The following ATXN2 variants were observed in gnomAD, a reference collection of about 807,000 sequenced individuals.
ATXN2 encodes ataxin-2.
Under a neutral mutation model 138.6 loss-of-function variants are expected in ATXN2, and 37 were observed. That is an observed-to-expected ratio of 0.27 (90% CI 0.21 to 0.35). The LOEUF (loss-of-function observed/expected upper bound fraction) is 0.35, where lower values mean the gene tolerates loss of function less well. ATXN2 is among the 10% of genes least tolerant of loss of function. ATXN2 has a pLI of 1.00. For synonymous variants in ATXN2, 549 were observed against 543.7 expected (o/e 1.01, Z -0.13); for missense variants, 1,216 against 1,480.3 (o/e 0.82, Z 2.93).
In ATXN2 at chr12:111,520,054, A is replaced by C; in HGVS notation, c.811T>G (p.Ser271Ala). Reference sequence around the variant, plus strand: ...GCTTCCCGTTTTAAAAATTCTTCTGAGTTATCTCTTTCTAAGGGCACTCTG... The same window carrying C: ...GCTTCCCGTTTTAAAAATTCTTCTGCGTTATCTCTTTCTAAGGGCACTCTG... ...SYTVPLERDNSEEFLKREARA... is the reference protein window; with the variant it reads ...SYTVPLERDNAEEFLKREARA... The change falls in exon 8 of 25, where the codon TCA becomes GCA. Residue 271 changes from serine (S) to alanine (A), a missense_variant. Ser to Ala is a moderately conservative substitution (Grantham distance 99). This residue lies in a region of ATXN2 where 401 missense variants were observed against 528.1 expected (regional missense o/e 0.76). Coordinates refer to ENST00000673436, the MANE Select transcript of ATXN2 (RefSeq NM_001372574.1). 6.2e-7 allele frequency: 1 copy of C among 1,613,906 alleles called. No individual in the cohort carries two copies. Among genetic ancestry groups the C allele is most frequent in the Non-Finnish European group, 8.5e-7 (1 of 1,180,008 alleles).
At chr12:111,535,877 G>A (rs920926670) in intron 5 of ATXN2, among the ~76,000 whole-genome samples, 6 of 150,352 alleles carry the variant, frequency 4.0e-5, no homozygotes, top group African/African-American at 9.8e-5. Context: ...GCGGGCGCCT[G>A]TAGTCCCAGC....
chr12:111,558,680 C>T (rs890817391), intron 1 of ATXN2, among the ~76,000 whole-genome samples: 4 of 152,194 alleles, frequency 2.6e-5, no homozygotes, highest in African/African-American at 9.6e-5. Context: ...GCCTGTGGTC[C>T]CCGCTACTTG....
At chr12:111,470,296 A>T (rs1876320725) in intron 19 of ATXN2, 56 bp from the exon 20 acceptor site, 1 of 1,574,082 alleles carries the variant, frequency 6.4e-7, no homozygotes, top group Admixed American at 1.9e-5. Context: ...AGAGCCAAGC[A>T]GACTTTAGTT....
chr12:111,572,032 T>C (rs1883348668), intron 1 of ATXN2, among the ~76,000 whole-genome samples: 1 of 130,644 alleles, frequency 7.7e-6, no homozygotes, highest in African/African-American at 2.9e-5. Context: ...AAAAAGGGGC[T>C]TTTAAAATAT....
At chr12:111,596,245 CAA>C (rs1292816112) in intron 1 of ATXN2, among the ~76,000 whole-genome samples, 221 of 124,432 alleles carry the variant, frequency 1.8e-3, no homozygotes, top group African/African-American at 6.1e-3. Flanking sequence ...CACACACACA[CAA>C]AATTAGATTA....
intron 1 of ATXN2, among the ~76,000 whole-genome samples, chr12:111,574,176 C>T (rs539859775): frequency 1.7e-4 from 26 of 151,308 alleles, no homozygotes; most frequent in African/African-American, 5.6e-4. Context: ...GGCGTGGTGG[C>T]GGGCACCTGT....
chr12:111,495,118 G>A (rs1878328239), intron 14 of ATXN2, among the ~76,000 whole-genome samples: 1 of 152,008 alleles, frequency 6.6e-6, no homozygotes, highest in Admixed American at 6.6e-5. Flanking sequence ...ACAGCCTGAC[G>A]AACATACTGA....
rs539368004 is a variant in ATXN2 at position 111,564,030 on chromosome 12, C to T, written c.252-8111G>A. Among the ~76,000 whole-genome samples, 257 of 152,250 alleles carry T rather than the reference C, an allele frequency of 1.7e-3. 1 individual carries two copies. The highest frequency in any genetic ancestry group is 2.9e-3 in the Non-Finnish European group (194 of 68,022). ...CCTCTTCCAGGGGGTCATAGCCCCA[C>T]ATTAGACAAAACAGTGTGGTCGGCA... On this transcript the variant is annotated intron_variant, in intron 1 of 24. Transcript: ENST00000673436.
intron 11 of ATXN2, 140 bp downstream of exon 11, chr12:111,513,217 G>C: frequency 1.1e-6 from 1 of 917,560 alleles, no homozygotes; most frequent in Admixed American, 3.6e-5. Context: ...ATAAAAATAT[G>C]GGTTTCCCAA....
chr12:111,502,403 TA>T (rs1313237165), intron 14 of ATXN2, among the ~76,000 whole-genome samples: 2 of 152,280 alleles, frequency 1.3e-5, no homozygotes, highest in East Asian at 3.9e-4. Context: ...TGCACTATAC[TA>T]AATCTAATGG....
At chr12:111,458,410 G>A (rs902380530) in intron 21 of ATXN2, 3 of 152,256 alleles carry the variant, frequency 2.0e-5, no homozygotes, top group Admixed American at 6.5e-5. Flanking sequence ...TTACAGACGT[G>A]AGCCACCGTG....
At chr12:111,570,120 G>C (rs1345456184) in intron 1 of ATXN2, among the ~76,000 whole-genome samples, 3 of 152,078 alleles carry the variant, frequency 2.0e-5, no homozygotes, top group Non-Finnish European at 4.4e-5. Flanking sequence ...CCATCTTCTC[G>C]AGTTCTCCAG....
In ATXN2 at chr12:111,598,067, G is replaced by T; in HGVS notation, c.251+717C>A. On this transcript the variant is annotated intron_variant, in intron 1 of 24. Coordinates refer to ENST00000673436, the MANE Select transcript of ATXN2 (RefSeq NM_001372574.1). This position sits in a 1 kb window ranked among gnomAD's most constrained non-coding sequence, Gnocchi z 4.5. ...CCTTCCCTTCCCCAGGTGGGGGAGG[G>T]TGGAACGCTGCCGGAGGCCACATGG... 1 of 1,151,510 alleles carries T rather than the reference G, an allele frequency of 8.7e-7. No individual in the cohort carries two copies. The highest frequency in any genetic ancestry group is 1.8e-5 in the South Asian group (1 of 56,702). 71.3% of individuals were successfully genotyped at this position (1,151,510 alleles called of 1,614,324 possible). A position where few individuals can be genotyped will look rare whatever the true frequency, so the allele number is the denominator to read the frequency against.
At chr12:111,490,749 CA>C (rs1701603982) in intron 14 of ATXN2, among the ~76,000 whole-genome samples, 1 of 152,122 alleles carries the variant, frequency 6.6e-6, no homozygotes, top group African/African-American at 2.4e-5. Flanking sequence ...GCCCCTCCAA[CA>C]CCCCTGACAT....
chr12:111,575,308 CGTA>C (rs1381960645), intron 1 of ATXN2, among the ~76,000 whole-genome samples: 2 of 152,072 alleles, frequency 1.3e-5, no homozygotes, highest in African/African-American at 4.8e-5. Flanking sequence ...GCTTCAGCCT[CGTA>C]GTAGCTGCGA....
At chr12:111,566,191 G>A (rs573941367) in intron 1 of ATXN2, among the ~76,000 whole-genome samples, 40 of 152,124 alleles carry the variant, frequency 2.6e-4, no homozygotes, top group African/African-American at 7.2e-4. Flanking sequence ...TCAACACTTC[G>A]GAAGGCCGAG....
chr12:111,483,564 C>T (rs1877421572), intron 18 of ATXN2, among the ~76,000 whole-genome samples: 1 of 148,752 alleles, frequency 6.7e-6, no homozygotes, highest in South Asian at 2.1e-4. Context: ...ACCATGTTGG[C>T]CAGGATGGTT....
At chr12:111,582,273 G>T (rs983741229) in intron 1 of ATXN2, among the ~76,000 whole-genome samples, 1 of 151,948 alleles carries the variant, frequency 6.6e-6, no homozygotes, top group Non-Finnish European at 1.5e-5. Context: ...GTAAGACCCT[G>T]TCACTACTAA....
At chr12:111,515,580 C>A (rs1490914035) in intron 10 of ATXN2, among the ~76,000 whole-genome samples, 2 of 152,152 alleles carry the variant, frequency 1.3e-5, no homozygotes, top group African/African-American at 4.8e-5. Context: ...ATTAAAGCAG[C>A]CTTTCACTAT....
Sources: gnomAD v4.1 joint callset for allele counts (sites outside exome capture counted in the v4.1 genomes callset) on GRCh38, gnomAD v4.1.1 for gene constraint, gnomAD v4.1.1 regional missense constraint, Gnocchi (gnomAD v3.1) non-coding constraint, MANE v1.5 for transcripts, NCBI Gene and HGNC (gene_info 2026-07-23, HGNC 2026-07-21) for gene names.